The following CSMD1 variants were observed in gnomAD, a reference collection of about 807,000 sequenced individuals.
The protein encoded by CSMD1 is CUB and sushi domain-containing protein 1.
In CSMD1, 213 loss-of-function variants were observed where a neutral mutation model predicts 417.5. The ratio of observed to expected loss-of-function variants is 0.51; its 90% CI spans 0.46 to 0.57. The LOEUF is 0.57. Among genes scored for constraint, CSMD1 ranks in the 20% least tolerant of loss-of-function variants. The pLI is 0.00. For missense variants in CSMD1, 6,923 were observed against 4,529.7 expected (o/e 1.53, Z -15.17); for synonymous variants, 2,862 against 1,736.8 (o/e 1.65, Z -16.11).
At chr8:4,075,039 T>G (rs1401185635) in intron 3 of CSMD1, among the ~76,000 whole-genome samples, 3 of 152,302 alleles carry the variant, frequency 2.0e-5, no homozygotes, top group African/African-American at 4.8e-5. Flanking sequence ...AACCCCAGTA[T>G]GAATGATGAG....
chr8:4,253,810 AAT>A (rs1183698445), intron 3 of CSMD1, among the ~76,000 whole-genome samples: 1 of 151,972 alleles, frequency 6.6e-6, no homozygotes, highest in African/African-American at 2.4e-5. Flanking sequence ...AAAGACAAAT[AAT>A]CAACACCATT....
chr8:4,496,839 G>A (rs576146170), intron 2 of CSMD1, among the ~76,000 whole-genome samples: 11 of 152,120 alleles, frequency 7.2e-5, no homozygotes, highest in Non-Finnish European at 1.3e-4. Flanking sequence ...TTAGAAAAAT[G>A]AGTTCACAGA....
chr8:3,368,462 G>C (rs749645966), intron 19 of CSMD1, among the ~76,000 whole-genome samples: 12 of 152,236 alleles, frequency 7.9e-5, no homozygotes, highest in South Asian at 2.1e-4. Context: ...TCTGCCCCCA[G>C]AGTAGCTGCG....
chr8:3,598,752 C>T (rs1584941836), intron 8 of CSMD1, among the ~76,000 whole-genome samples: 1 of 152,198 alleles, frequency 6.6e-6, no homozygotes, highest in East Asian at 1.9e-4. Context: ...TTTCCCCCCG[C>T]CCCTTCTTTT....
chr8:3,440,089 C>T (rs1814874543), intron 12 of CSMD1, among the ~76,000 whole-genome samples: 1 of 152,150 alleles, frequency 6.6e-6, no homozygotes, highest in Non-Finnish European at 1.5e-5. Flanking sequence ...GGGTAAGGTG[C>T]TTTTCCCACT....
At chr8:4,023,601 T>C (rs1156704756) in intron 4 of CSMD1, among the ~76,000 whole-genome samples, 10 of 140,956 alleles carry the variant, frequency 7.1e-5, no homozygotes, top group Middle Eastern at 6.8e-3. Flanking sequence ...TTTTTTTTTT[T>C]CCTGACACGG....
rs34060531 is a variant in CSMD1, at chr8:3,119,384, TAAAAAAAAAAAAAAAAAA to T, written c.6242-815_6242-798del. Among the ~76,000 whole-genome samples, 3 of 88,232 alleles carry T rather than the reference TAAAAAAAAAAAAAAAAAA, an allele frequency of 3.4e-5. 1 individual carries two copies. Among genetic ancestry groups the T allele is most frequent in the African/African-American group, 7.3e-5 (2 of 27,426 alleles). 57.9% of individuals were successfully genotyped at this position (88,232 alleles called of 152,430 possible). On this transcript the variant is annotated intron_variant, in intron 41 of 69. Transcript: ENST00000635120. ...CATTGCAGTTTTTTTAGTCTTTTTC[TAAAAAAAAAAAAAAAAAA>T]AAAAAAAAAACACTGTATAATCCCT...
At chr8:4,304,479 T>G (rs1275315142) in intron 3 of CSMD1, among the ~76,000 whole-genome samples, 1 of 152,104 alleles carries the variant, frequency 6.6e-6, no homozygotes. Context: ...TAGTACAGAG[T>G]CCCATCCTGA....
At chr8:3,474,107 C>A (rs1388347085) in intron 11 of CSMD1, among the ~76,000 whole-genome samples, 6 of 152,084 alleles carry the variant, frequency 3.9e-5, no homozygotes, top group African/African-American at 1.4e-4. Context: ...GGACACAGAG[C>A]CAAGTCATAT....
At chr8:3,184,683 A>T (rs2129048992) in intron 36 of CSMD1, among the ~76,000 whole-genome samples, 1 of 152,294 alleles carries the variant, frequency 6.6e-6, no homozygotes, top group Admixed American at 6.5e-5. Flanking sequence ...CAACTTCCTG[A>T]TCTATACTGT....
chr8:4,354,711 A>T (rs984290585), intron 3 of CSMD1, among the ~76,000 whole-genome samples: 25 of 152,154 alleles, frequency 1.6e-4, no homozygotes, highest in African/African-American at 6.0e-4. Flanking sequence ...ATATTTTTGA[A>T]ACACTTGTAT....
intron 5 of CSMD1, among the ~76,000 whole-genome samples, chr8:3,982,202 AAAT>A (rs1455097167): frequency 8.4e-5 from 9 of 107,164 alleles, no homozygotes; most frequent in African/African-American, 2.5e-4. Flanking sequence ...TTAATAAAAA[AAAT>A]AATAATAATA....
intron 2 of CSMD1, among the ~76,000 whole-genome samples, chr8:4,591,383 A>G (rs1447011143): frequency 6.6e-6 from 1 of 152,240 alleles, no homozygotes; most frequent in African/African-American, 2.4e-5. Flanking sequence ...ATATATGAAT[A>G]CAACTATTCC....
intron 3 of CSMD1, among the ~76,000 whole-genome samples, chr8:4,049,270 A>G (rs373430215): frequency 1.8e-4 from 27 of 152,010 alleles, no homozygotes; most frequent in African/African-American, 6.5e-4. Flanking sequence ...TGAAATAATT[A>G]TTTGCTGTGG....
rs570529502 is a variant in CSMD1, at chr8:4,422,929, C to G, written c.303-2864G>C. Reference sequence around the variant, plus strand: ...TTAATGGGCTAACAAAGTAAAATCACAAGATCATAGTAATCTATGTAGAAA... The same window carrying G: ...TTAATGGGCTAACAAAGTAAAATCAGAAGATCATAGTAATCTATGTAGAAA... On this transcript the variant is annotated intron_variant, in intron 2 of 69. Transcript: ENST00000635120. Among the ~76,000 whole-genome samples, 9 of 151,978 alleles carry G rather than the reference C, an allele frequency of 5.9e-5. No homozygotes were observed. In the East Asian group the frequency reaches 1.4e-3, roughly 23 times the overall value.
At chr8:3,536,780 T>C (rs1798218652) in intron 10 of CSMD1, among the ~76,000 whole-genome samples, 1 of 152,146 alleles carries the variant, frequency 6.6e-6, no homozygotes, top group South Asian at 2.1e-4. Context: ...AGGGACTAAG[T>C]CATCTCTTCA....
chr8:4,077,673 T>A (rs986309675), intron 3 of CSMD1, among the ~76,000 whole-genome samples: 5 of 152,154 alleles, frequency 3.3e-5, no homozygotes, highest in African/African-American at 9.6e-5. Flanking sequence ...ATCTTTTTCA[T>A]GTATTTGTTT....
rs543082313 is a variant in CSMD1, at chr8:3,231,921, T to C, written c.4154-1690A>G. On this transcript the variant is annotated intron_variant, in intron 26 of 69. Coordinates refer to ENST00000635120, the MANE Select transcript of CSMD1 (RefSeq NM_033225.6). ...GTGAAAATTTGCTAACTTGTCTTTC[T>C]CCTTGCTATTCTCTAAGCTAATTGA... Among the ~76,000 whole-genome samples, 20 of 152,350 alleles carry C rather than the reference T, an allele frequency of 1.3e-4. 1 individual carries two copies. The South Asian group carries it at 4.1e-3, about 32-fold the overall frequency.
intron 3 of CSMD1, among the ~76,000 whole-genome samples, chr8:4,332,052 T>C (rs1799896689): frequency 6.6e-6 from 1 of 152,162 alleles, no homozygotes. Flanking sequence ...TTTTATTTTT[T>C]ATCTTATCAG....
Sources: gnomAD v4.1 joint callset for allele counts (sites outside exome capture counted in the v4.1 genomes callset) on GRCh38, gnomAD v4.1.1 for gene constraint, MANE v1.5 for transcripts, NCBI Gene and HGNC (gene_info 2026-07-23, HGNC 2026-07-21) for gene names.